NTNG1: variants seen among roughly 807,000 people sequenced by gnomAD.
NTNG1 encodes netrin G1.
A neutral mutation model predicts 54.0 loss-of-function variants in NTNG1; 16 were observed. The observed-to-expected ratio is 0.30, with a 90% CI of 0.20 to 0.45. NTNG1 has a LOEUF of 0.45. NTNG1 is among the 20% of genes least tolerant of loss of function. The pLI is 1.00. For synonymous variants in NTNG1, 255 were observed against 263.1 expected, an observed-to-expected ratio of 0.97 and a Z score of 0.30; for missense variants, 530 against 678.7, an observed-to-expected ratio of 0.78 and a Z score of 2.43.
At chr1:107,159,971 T>G (rs762368052) in intron 2 of NTNG1, among the ~76,000 whole-genome samples, 3 of 152,220 alleles carry the variant, frequency 2.0e-5, no homozygotes, top group Non-Finnish European at 4.4e-5. Context: ...GTATTCATCA[T>G]GTAAAAAACA....
intron 7 of NTNG1, among the ~76,000 whole-genome samples, chr1:107,459,712 G>C (rs2101533975): frequency 6.6e-6 from 1 of 152,288 alleles, no homozygotes; most frequent in Admixed American, 6.5e-5. Context: ...ACCAGCAGGA[G>C]AGAGTTTGTT....
intron 2 of NTNG1, among the ~76,000 whole-genome samples, chr1:107,259,022 G>A (rs1013555483): frequency 2.6e-5 from 4 of 152,162 alleles, no homozygotes; most frequent in Non-Finnish European, 4.4e-5. Flanking sequence ...AAATTAATCA[G>A]CTCTCTAATG....
chr1:107,288,807 A>G (rs1432599152), intron 2 of NTNG1, among the ~76,000 whole-genome samples: 1 of 152,148 alleles, frequency 6.6e-6, no homozygotes, highest in African/African-American at 2.4e-5. Flanking sequence ...TTTTGTTCAA[A>G]GGTTACATAT....
At chr1:107,313,871 G>A (rs934103597) in intron 2 of NTNG1, among the ~76,000 whole-genome samples, 2 of 151,984 alleles carry the variant, frequency 1.3e-5, no homozygotes, top group Non-Finnish European at 2.9e-5. Context: ...CTCCTCTCAT[G>A]TTATTAAATT....
At chr1:107,364,543 C>A (rs1351010001) in intron 3 of NTNG1, among the ~76,000 whole-genome samples, 1 of 152,204 alleles carries the variant, frequency 6.6e-6, no homozygotes, top group African/African-American at 2.4e-5. Flanking sequence ...TATAGTTTCA[C>A]AAAGTGCTTC....
chr1:107,388,747 C>T (rs1672180920), intron 3 of NTNG1, among the ~76,000 whole-genome samples: 1 of 152,172 alleles, frequency 6.6e-6, no homozygotes, highest in Non-Finnish European at 1.5e-5. Context: ...AACTCATCAA[C>T]TCTAAGTTAT....
intron 2 of NTNG1, among the ~76,000 whole-genome samples, chr1:107,277,352 G>C (rs1664547050): frequency 6.6e-6 from 1 of 152,108 alleles, no homozygotes. Flanking sequence ...GACCACAGTG[G>C]CTTGAAACCC....
intron 2 of NTNG1, among the ~76,000 whole-genome samples, chr1:107,224,623 A>G (rs559926080): frequency 6.6e-6 from 1 of 152,054 alleles, no homozygotes; most frequent in African/African-American, 2.4e-5. Context: ...TGGTCCCTAG[A>G]GCGTTTACTA....
chr1:107,392,464 G>A (rs2101078117), intron 3 of NTNG1, among the ~76,000 whole-genome samples: 1 of 152,180 alleles, frequency 6.6e-6, no homozygotes, highest in East Asian at 1.9e-4. Flanking sequence ...AACAGCATGT[G>A]TAGTCAACAG....
intron 2 of NTNG1, among the ~76,000 whole-genome samples, chr1:107,171,943 A>AT (rs965847606): frequency 5.4e-5 from 8 of 147,748 alleles, no homozygotes; most frequent in Admixed American, 1.3e-4. Flanking sequence ...TTTATTTTTT[A>AT]TTTTTTTTGA....
chr1:107,416,101 C>T (rs559322393), intron 5 of NTNG1, among the ~76,000 whole-genome samples: 3 of 152,076 alleles, frequency 2.0e-5, no homozygotes, highest in South Asian at 4.2e-4. Context: ...TATGTGCAGT[C>T]GGTAACACAC....
intron 1 of NTNG1, among the ~76,000 whole-genome samples, chr1:107,145,368 G>A (rs1654028994): frequency 6.6e-6 from 1 of 152,032 alleles, no homozygotes; most frequent in Non-Finnish European, 1.5e-5. Context: ...TTGAAGTTAA[G>A]AGGATTTCCT....
chr1:107,383,391 A>G (rs146400928), intron 3 of NTNG1, among the ~76,000 whole-genome samples: 208 of 152,334 alleles, frequency 1.4e-3, no homozygotes, highest in African/African-American at 4.5e-3. Flanking sequence ...CCAAGGAAGT[A>G]TATAAGAAAT....
chr1:107,264,489 T>C (rs570473040), intron 2 of NTNG1, among the ~76,000 whole-genome samples: 2 of 152,352 alleles, frequency 1.3e-5, no homozygotes, highest in East Asian at 3.9e-4. Context: ...CATCCTTCCC[T>C]ATGAAGTTAA....
chr1:107,465,992 A>G lies in NTNG1; in HGVS notation c.1391-14619A>G, dbSNP rs140241590. 2.0e-5 allele frequency among the ~76,000 whole-genome samples: 3 copies of G among 152,310 alleles called. No individual in the cohort carries two copies. In the East Asian group the frequency reaches 5.8e-4, roughly 29 times the overall value. ...GGTATGTAAGTTTAAGACAGTAAGT[A>G]TATGATCCAGGAGTAGACATTTCAT... On this transcript the variant is annotated intron_variant, in intron 7 of 7. Coordinates refer to ENST00000370068, the MANE Select transcript of NTNG1 (RefSeq NM_001113226.3).
At chr1:107,423,055 A>G (rs1674671620) in intron 5 of NTNG1, among the ~76,000 whole-genome samples, 1 of 152,200 alleles carries the variant, frequency 6.6e-6, no homozygotes, top group African/African-American at 2.4e-5. Flanking sequence ...GGAACCTTTT[A>G]AACCTTAGAG....
intron 5 of NTNG1, chr1:107,410,566 A>C (rs1449393727): frequency 6.6e-6 from 1 of 152,180 alleles, no homozygotes; most frequent in African/African-American, 2.4e-5. Context: ...ATGAATCCCA[A>C]AATAAATCTG....
Position 107,384,447 on chromosome 1 carries a change from C to CTA in NTNG1, c.888-10699_888-10698dup, listed in dbSNP as rs368926485. Among the ~76,000 whole-genome samples, 6 of 151,926 alleles carry CTA rather than the reference C, an allele frequency of 3.9e-5. No homozygotes were observed. In the East Asian group the frequency reaches 7.7e-4, roughly 20 times the overall value. ...GGCAAGCCAATTGCTCTCTCTCTCT[C>CTA]TATATATATGACCACAGCATCCCAC... On this transcript the variant is annotated intron_variant, in intron 3 of 7. Transcript: ENST00000370068.
At chr1:107,186,457 A>T (rs1657466767) in intron 2 of NTNG1, among the ~76,000 whole-genome samples, 1 of 152,144 alleles carries the variant, frequency 6.6e-6, no homozygotes, top group Admixed American at 6.6e-5. Flanking sequence ...TAAAATCCAG[A>T]TGTGTCTCAG....
Sources: allele counts gnomAD v4.1 joint callset (sites outside exome capture counted in the v4.1 genomes callset), GRCh38; gene constraint gnomAD v4.1.1; transcripts MANE v1.5; gene names NCBI Gene and HGNC (gene_info 2026-07-23, HGNC 2026-07-21).